Variants in NOVA1 observed in about 807,000 individuals in gnomAD.
NOVA1 encodes the protein RNA-binding protein Nova-1.
NOVA1 carries 7 observed loss-of-function variants against 38.0 expected under a neutral mutation model. The ratio of observed to expected loss-of-function variants is 0.18; its 90% confidence interval spans 0.10 to 0.35. The LOEUF is 0.35. Ranked by LOEUF, NOVA1 falls within the 10% of genes least tolerant of loss-of-function variation. The pLI, the probability that NOVA1 is intolerant of heterozygous loss-of-function variation, is 1.00. For missense variants in NOVA1, 460 were observed against 616.0 expected (o/e 0.75, Z 2.68); for synonymous variants, 270 against 232.5 (o/e 1.16, Z -1.47).
At chr14:26,549,191 A>T (rs1042393314) in intron 2 of NOVA1, among the ~76,000 whole-genome samples, 2 of 151,982 alleles carry the variant, frequency 1.3e-5, no homozygotes, top group African/African-American at 4.8e-5. Flanking sequence ...AAAGAAGTCA[A>T]AATTGGTGTT....
chr14:26,509,378 G>T (rs754389393), intron 2 of NOVA1, among the ~76,000 whole-genome samples: 1 of 152,110 alleles, frequency 6.6e-6, no homozygotes, highest in Non-Finnish European at 1.5e-5. Flanking sequence ...GAGAGTAGTG[G>T]TAGTGGGAGT....
chr14:26,588,578 T>C (rs1212558061), intron 2 of NOVA1: 1 of 151,480 alleles, frequency 6.6e-6, no homozygotes, highest in Non-Finnish European at 1.5e-5. Context: ...ACTTGGAAAA[T>C]ACTGAAAATA....
intron 2 of NOVA1, among the ~76,000 whole-genome samples, chr14:26,505,205 G>A (rs1333758072): frequency 1.3e-5 from 2 of 152,150 alleles, no homozygotes; most frequent in African/African-American, 4.8e-5. Flanking sequence ...TTTTGAATGA[G>A]CTAAACGGTA....
chr14:26,548,117 C>T (rs117119664), intron 2 of NOVA1, among the ~76,000 whole-genome samples: 68 of 150,038 alleles, frequency 4.5e-4, no homozygotes, highest in Non-Finnish European at 7.1e-4. Context: ...GTAGGAAATC[C>T]GACCCCCTCT....
chr14:26,586,858 A>C (rs1893545357), intron 2 of NOVA1, among the ~76,000 whole-genome samples: 1 of 150,730 alleles, frequency 6.6e-6, no homozygotes, highest in South Asian at 2.1e-4. Context: ...GTAGCACATG[A>C]ACTAAAATAA....
At chr14:26,568,019 C>G (rs1892239975) in intron 2 of NOVA1, among the ~76,000 whole-genome samples, 1 of 151,902 alleles carries the variant, frequency 6.6e-6, no homozygotes, top group Admixed American at 6.6e-5. Context: ...AGGATAAAAT[C>G]AAGGAAAAGA....
intron 4 of NOVA1, among the ~76,000 whole-genome samples, chr14:26,462,562 G>A (rs1240434028): frequency 6.6e-6 from 1 of 152,118 alleles, no homozygotes; most frequent in African/African-American, 2.4e-5. Context: ...AGCTAGAGTT[G>A]AGTATTTTTC....
At chr14:26,500,882 A>G (rs1481972921) in intron 2 of NOVA1, among the ~76,000 whole-genome samples, 3 of 151,992 alleles carry the variant, frequency 2.0e-5, no homozygotes, top group Non-Finnish European at 4.4e-5. Flanking sequence ...ATGATTTATG[A>G]AAAAAATATA....
intron 2 of NOVA1, among the ~76,000 whole-genome samples, chr14:26,493,517 C>CA (rs1594396438): frequency 6.6e-6 from 1 of 152,164 alleles, no homozygotes; most frequent in Admixed American, 6.5e-5. Flanking sequence ...CTGGATGTAA[C>CA]AGAGTGTGAT....
chr14:26,582,192 T>C (rs2138772196), intron 2 of NOVA1, among the ~76,000 whole-genome samples: 1 of 151,926 alleles, frequency 6.6e-6, no homozygotes, highest in East Asian at 1.9e-4. Flanking sequence ...AAACCCGAAA[T>C]TGTACTTATT....
At chr14:26,453,945 G>T (rs1882943210) in intron 4 of NOVA1, among the ~76,000 whole-genome samples, 1 of 152,038 alleles carries the variant, frequency 6.6e-6, no homozygotes, top group Admixed American at 6.6e-5. Flanking sequence ...CATTCAGTTG[G>T]TATCCAATCA....
chr14:26,457,020 A>G (rs913903358), intron 4 of NOVA1, among the ~76,000 whole-genome samples: 1 of 151,998 alleles, frequency 6.6e-6, no homozygotes, highest in Non-Finnish European at 1.5e-5. Flanking sequence ...GTAAAAGTAT[A>G]TAATTATATT....
At chr14:26,570,123 G>A (rs1280989301) in intron 2 of NOVA1, among the ~76,000 whole-genome samples, 1 of 152,150 alleles carries the variant, frequency 6.6e-6, no homozygotes, top group Non-Finnish European at 1.5e-5. Context: ...GAAGCAGGCA[G>A]ATCACCTGAG....
intron 2 of NOVA1, among the ~76,000 whole-genome samples, chr14:26,515,469 CATACT>C (rs1430481295): frequency 3.9e-5 from 6 of 151,946 alleles, no homozygotes; most frequent in Non-Finnish European, 7.4e-5. Context: ...GCACATAATA[CATACT>C]ATACTAATCA....
In NOVA1 at chr14:26,597,447, C is replaced by A; in HGVS notation, c.-11G>T. ...AGCTGCCGCCATCATGTTTGCAGTTCCTGCCGCTGCTACCGGGAGAAGGTT... is the reference window on the plus strand; with the variant it reads ...AGCTGCCGCCATCATGTTTGCAGTTACTGCCGCTGCTACCGGGAGAAGGTT... On this transcript the variant is annotated 5_prime_UTR_variant, in exon 1 of 5. Transcript: ENST00000539517. 7.7e-7 allele frequency: 1 copy of A among 1,290,418 alleles called. No homozygotes were observed. The highest frequency in any genetic ancestry group is 2.1e-4 in the Middle Eastern group (1 of 4,774). The allele number at this position is 1,290,418 out of a possible 1,614,324, so 79.9% of individuals were successfully genotyped here. A position where few individuals can be genotyped will look rare whatever the true frequency, so the allele number is the denominator to read the frequency against.
chr14:26,476,062 C>T (rs1055701061), intron 3 of NOVA1, among the ~76,000 whole-genome samples: 1 of 152,136 alleles, frequency 6.6e-6, no homozygotes, highest in African/African-American at 2.4e-5. Flanking sequence ...ATTTTGAGTT[C>T]TGTTAAATAA....
At chr14:26,531,857 G>T (rs1035637156) in intron 2 of NOVA1, among the ~76,000 whole-genome samples, 2 of 152,062 alleles carry the variant, frequency 1.3e-5, no homozygotes, top group African/African-American at 4.8e-5. Flanking sequence ...AATATTTAAA[G>T]AACTCTTCTA....
intron 4 of NOVA1, among the ~76,000 whole-genome samples, chr14:26,458,555 T>C (rs1261556114): frequency 6.6e-6 from 1 of 151,846 alleles, no homozygotes; most frequent in Non-Finnish European, 1.5e-5. Context: ...GGAGGCCAAA[T>C]TAATGCAGAA....
chr14:26,485,463 A>G (rs1005486157), intron 2 of NOVA1, among the ~76,000 whole-genome samples: 1 of 152,190 alleles, frequency 6.6e-6, no homozygotes, highest in Non-Finnish European at 1.5e-5. Context: ...GAAATAATGG[A>G]TAATTTAACA....
Sources: gnomAD v4.1 joint callset for allele counts (sites outside exome capture counted in the v4.1 genomes callset) on GRCh38, gnomAD v4.1.1 for gene constraint, MANE v1.5 for transcripts, NCBI Gene and HGNC (gene_info 2026-07-23, HGNC 2026-07-21) for gene names.